COBL: variants seen among roughly 807,000 people sequenced by gnomAD.
COBL encodes cordon-bleu WH2 repeat protein, also known as protein cordon-bleu.
Under a neutral mutation model 98.8 loss-of-function variants are expected in COBL, and 51 were observed. The ratio of observed to expected loss-of-function variants is 0.52; its 90% CI spans 0.41 to 0.65. COBL has a LOEUF of 0.65. Ranked by LOEUF, COBL falls within the 30% of genes least tolerant of loss-of-function variation. COBL has a pLI of 0.00. For synonymous variants in COBL, 634 were observed against 651.7 expected, an observed-to-expected ratio of 0.97 and a Z score of 0.41; for missense variants, 1,617 against 1,617.5, an observed-to-expected ratio of 1.00 and a Z score of 0.01.
intron 5 of COBL, among the ~76,000 whole-genome samples, chr7:51,183,711 A>AT (rs906718201): frequency 6.6e-6 from 1 of 152,268 alleles, no homozygotes; most frequent in Non-Finnish European, 1.5e-5. Context: ...CACTGATAGC[A>AT]ATATTGGCTA....
At chr7:51,158,414 G>A (rs980573515) in intron 5 of COBL, among the ~76,000 whole-genome samples, 1 of 152,010 alleles carries the variant, frequency 6.6e-6, no homozygotes, top group African/African-American at 2.4e-5. Context: ...CGCGTCCACA[G>A]CCTGTAACCA....
chr7:51,277,479 A>G (rs959702552), intron 1 of COBL, among the ~76,000 whole-genome samples: 1 of 152,172 alleles, frequency 6.6e-6, no homozygotes, highest in Non-Finnish European at 1.5e-5. Context: ...TATCTTTAAA[A>G]ATTGACGACA....
chr7:51,207,237 A>AT (rs199763616), intron 2 of COBL, among the ~76,000 whole-genome samples: 11,569 of 143,310 alleles, frequency 0.081, 535 homozygotes, highest in South Asian at 0.19. Flanking sequence ...TACAGCGGAC[A>AT]TTTTTTTTTT....
chr7:51,242,804 T>C (rs1795916461), intron 1 of COBL, among the ~76,000 whole-genome samples: 1 of 152,098 alleles, frequency 6.6e-6, no homozygotes, highest in Non-Finnish European at 1.5e-5. Flanking sequence ...AGAGGCCCAC[T>C]CGCCCAGGTG....
At chr7:51,083,369 T>C (rs1793871230) in intron 7 of COBL, 3 of 599,984 alleles carry the variant, frequency 5.0e-6, no homozygotes, top group South Asian at 2.3e-5. Flanking sequence ...GATCCAGTCA[T>C]ATCCAGCACC....
At chr7:51,232,157 TAC>T (rs1794811999) in intron 1 of COBL, among the ~76,000 whole-genome samples, 1 of 152,188 alleles carries the variant, frequency 6.6e-6, no homozygotes, top group Admixed American at 6.5e-5. Context: ...AAAGAATGAC[TAC>T]AATCTGTTGA....
chr7:51,193,282 C>T, intron 3 of COBL, 97 bp downstream of exon 3: 2 of 1,104,338 alleles, frequency 1.8e-6, no homozygotes, highest in Non-Finnish European at 2.7e-6. Flanking sequence ...AGCCACAGCT[C>T]TCTGCACTGT....
At chr7:51,143,515 G>A (rs1784749775) in intron 5 of COBL, among the ~76,000 whole-genome samples, 1 of 152,120 alleles carries the variant, frequency 6.6e-6, no homozygotes, top group Admixed American at 6.6e-5. Context: ...TTCGTGTTAA[G>A]TGGGCATTCT....
intron 7 of COBL, among the ~76,000 whole-genome samples, chr7:51,047,838 G>A (rs1010533028): frequency 6.6e-6 from 1 of 152,014 alleles, no homozygotes; most frequent in African/African-American, 2.4e-5. Flanking sequence ...AAGTGCTTCT[G>A]AACTAGTGAT....
chr7:51,042,284 T>G (rs944158156), intron 8 of COBL, among the ~76,000 whole-genome samples: 2 of 152,222 alleles, frequency 1.3e-5, no homozygotes, highest in Non-Finnish European at 2.9e-5. Context: ...AGCCACAGGC[T>G]TAGAAATGTT....
chr7:51,017,840 G>C (rs768274060), intron 12 of COBL, among the ~76,000 whole-genome samples: 1 of 152,202 alleles, frequency 6.6e-6, no homozygotes, highest in Admixed American at 6.5e-5. Context: ...TGGGCCCTGG[G>C]GTCCTGGTCC....
chr7:51,059,628 AC>A (rs1401527371), intron 7 of COBL, among the ~76,000 whole-genome samples: 2 of 134,494 alleles, frequency 1.5e-5, no homozygotes, highest in Non-Finnish European at 3.2e-5. Context: ...TGTAGATCAA[AC>A]AAGCCTGGTC....
At chr7:51,200,206 C>T (rs1790987318) in intron 2 of COBL, among the ~76,000 whole-genome samples, 1 of 152,132 alleles carries the variant, frequency 6.6e-6, no homozygotes, top group South Asian at 2.1e-4. Context: ...TAAGTCTTCC[C>T]CTGTCAAAAC....
At chr7:51,282,631 A>G (rs1563123790) in intron 1 of COBL, among the ~76,000 whole-genome samples, 1 of 152,126 alleles carries the variant, frequency 6.6e-6, no homozygotes, top group African/African-American at 2.4e-5. Context: ...TTACAAATCA[A>G]TACAACTCAT....
intron 7 of COBL, among the ~76,000 whole-genome samples, chr7:51,056,487 G>A (rs1436966280): frequency 1.3e-5 from 2 of 152,156 alleles, no homozygotes; most frequent in African/African-American, 4.8e-5. Flanking sequence ...CTCTGCATCA[G>A]TGCCTCCATC....
intron 1 of COBL, among the ~76,000 whole-genome samples, chr7:51,315,273 G>A (rs199863224): frequency 1.1e-4 from 14 of 121,772 alleles, no homozygotes; most frequent in South Asian, 2.7e-4. Flanking sequence ...AAAAAAAAAA[G>A]AGAGAGAGAA....
intron 4 of COBL, among the ~76,000 whole-genome samples, chr7:51,185,294 G>A (rs1375300745): frequency 6.6e-6 from 1 of 152,234 alleles, no homozygotes; most frequent in Non-Finnish European, 1.5e-5. Context: ...AACGCTGGGT[G>A]CAGGGCCCAG....
chr7:51,053,825 G>A (rs1790466726), intron 7 of COBL, among the ~76,000 whole-genome samples: 1 of 152,232 alleles, frequency 6.6e-6, no homozygotes, highest in East Asian at 1.9e-4. Flanking sequence ...GGTGGTAACA[G>A]ACAAAATTGT....
intron 6 of COBL, among the ~76,000 whole-genome samples, chr7:51,131,296 T>C (rs938162255): frequency 6.6e-6 from 1 of 152,260 alleles, no homozygotes; most frequent in Non-Finnish European, 1.5e-5. Context: ...TAGTTGTATC[T>C]GCACAAAAGT....
Sources: gnomAD v4.1 joint callset for allele counts (sites outside exome capture counted in the v4.1 genomes callset) on GRCh38, gnomAD v4.1.1 for gene constraint, MANE v1.5 for transcripts, NCBI Gene and HGNC (gene_info 2026-07-23, HGNC 2026-07-21) for gene names.